The following ITFG1 variants were observed in gnomAD, a reference collection of about 807,000 sequenced individuals.
ITFG1 encodes T-cell immunomodulatory protein.
Under a neutral mutation model 81.8 loss-of-function variants are expected in ITFG1, and 34 were observed. The ratio of observed to expected loss-of-function variants is 0.42; its 90% CI spans 0.32 to 0.55. The LOEUF is 0.55. ITFG1 is among the 20% of genes least tolerant of loss of function. The pLI is 0.17. For missense variants in ITFG1, 672 were observed against 755.4 expected, an observed-to-expected ratio of 0.89 and a Z score of 1.29; for synonymous variants, 285 against 270.6, an observed-to-expected ratio of 1.05 and a Z score of -0.52.
intron 10 of ITFG1, among the ~76,000 whole-genome samples, 193 bp downstream of exon 10, chr16:47,311,047 T>TG (rs1242433264): frequency 3.4e-5 from 5 of 148,894 alleles, no homozygotes; most frequent in South Asian, 4.2e-4. Flanking sequence ...AATGAATCTG[T>TG]GAAAAAAAAA....
chr16:47,335,139 CTGA>C (rs1967685975), intron 8 of ITFG1, among the ~76,000 whole-genome samples: 1 of 152,090 alleles, frequency 6.6e-6, no homozygotes, highest in African/African-American at 2.4e-5. Context: ...GGTGGATCAC[CTGA>C]GGTCAGGAGT....
chr16:47,323,065 T>C (rs1299344102), intron 8 of ITFG1, among the ~76,000 whole-genome samples: 1 of 152,142 alleles, frequency 6.6e-6, no homozygotes, highest in East Asian at 1.9e-4. Context: ...TTTTCTGTTT[T>C]GCTGAGTATA....
chr16:47,446,338 G>T (rs1021579903), intron 5 of ITFG1, among the ~76,000 whole-genome samples: 2 of 152,196 alleles, frequency 1.3e-5, no homozygotes, highest in African/African-American at 4.8e-5. Flanking sequence ...CAAAGGTGCA[G>T]TTCTGGATAA....
At chr16:47,166,776 T>TCAA in intron 14 of ITFG1, among the ~76,000 whole-genome samples, 2 of 2,140 alleles carry the variant, frequency 9.3e-4, no homozygotes, top group South Asian at 0.015. Context: ...TGCACCCAAA[T>TCAA]TAGTTTGCAC....
chr16:47,324,404 A>G (rs562533521), intron 8 of ITFG1, among the ~76,000 whole-genome samples: 45 of 152,220 alleles, frequency 3.0e-4, no homozygotes, highest in Admixed American at 7.2e-4. Context: ...AAAGACCATC[A>G]AGGCTAGGAA....
intron 14 of ITFG1, among the ~76,000 whole-genome samples, chr16:47,182,716 T>C (rs146056752): frequency 8.5e-4 from 130 of 152,360 alleles, no homozygotes; most frequent in African/African-American, 3.0e-3. Flanking sequence ...AGATAATTAA[T>C]AGTACTTAAC....
intron 6 of ITFG1, among the ~76,000 whole-genome samples, chr16:47,387,251 A>G (rs933920683): frequency 2.0e-5 from 3 of 152,210 alleles, no homozygotes; most frequent in African/African-American, 7.2e-5. Flanking sequence ...CAAAGGCTTC[A>G]CACTACAGGG....
At chr16:47,458,039 T>A (rs563367652) in intron 2 of ITFG1, among the ~76,000 whole-genome samples, 2 of 152,376 alleles carry the variant, frequency 1.3e-5, no homozygotes, top group Admixed American at 1.3e-4. Flanking sequence ...AGGGACTTTT[T>A]AAATACAGCT....
chr16:47,230,259 T>TAGGAGGAGAGCTGGGA (rs1439373998), intron 13 of ITFG1, among the ~76,000 whole-genome samples: 1 of 150,954 alleles, frequency 6.6e-6, no homozygotes, highest in Non-Finnish European at 1.5e-5. Flanking sequence ...GACAGAGAGG[T>TAGGAGGAGAGCTGGGA]AGGAGGAGAG....
intron 14 of ITFG1, among the ~76,000 whole-genome samples, chr16:47,169,857 C>T (rs1964936493): frequency 6.6e-6 from 1 of 152,084 alleles, no homozygotes; most frequent in South Asian, 2.1e-4. Context: ...AGGAAGTTCC[C>T]TTCTATTCCT....
chr16:47,335,619 T>C (rs1054674524), intron 8 of ITFG1, among the ~76,000 whole-genome samples: 4 of 151,928 alleles, frequency 2.6e-5, no homozygotes, highest in African/African-American at 4.8e-5. Context: ...AATAAACTTA[T>C]AAAAAAGATG....
At chr16:47,263,258 G>A in intron 10 of ITFG1, 1 of 369,738 alleles carries the variant, frequency 2.7e-6, no homozygotes, top group Non-Finnish European at 5.5e-6. Context: ...CACCTTCTCT[G>A]TAGGTTCTTG....
intron 13 of ITFG1, among the ~76,000 whole-genome samples, chr16:47,222,103 T>C (rs1596816848): frequency 6.6e-6 from 1 of 152,064 alleles, no homozygotes; most frequent in Admixed American, 6.6e-5. Flanking sequence ...CTGCTCTGAT[T>C]TTAGTTATTT....
At chr16:47,212,971 A>G (rs1965581392) in intron 14 of ITFG1, among the ~76,000 whole-genome samples, 1 of 152,036 alleles carries the variant, frequency 6.6e-6, no homozygotes. Context: ...TTCTATTCAT[A>G]GGTTGTTGAG....
At chr16:47,199,324 G>A (rs551012141) in intron 14 of ITFG1, among the ~76,000 whole-genome samples, 6 of 151,250 alleles carry the variant, frequency 4.0e-5, no homozygotes, top group African/African-American at 1.5e-4. Flanking sequence ...TGTAGGTTAA[G>A]CATGCAGTGT....
rs185073442 is a variant in ITFG1, at chr16:47,303,844, G to A, written c.1070+7396C>T. Among the ~76,000 whole-genome samples the A allele has an allele frequency of 4.6e-5, 7 of 152,140 alleles. No individual in the cohort carries two copies. The East Asian group carries it at 1.4e-3, about 29-fold the overall frequency. ...GGGGTCCCACTATGTTGCCCAGGCT[G>A]GTGTTGAACTTCTGGGCTCAAGTGA... On this transcript the variant is annotated intron_variant, in intron 10 of 17. Coordinates refer to ENST00000320640, the MANE Select transcript of ITFG1 (RefSeq NM_030790.5).
intron 12 of ITFG1, among the ~76,000 whole-genome samples, chr16:47,244,686 C>A (rs990391239): frequency 1.3e-5 from 2 of 150,074 alleles, no homozygotes; most frequent in African/African-American, 4.9e-5. Flanking sequence ...TGAATGAGTA[C>A]CCCCTCCCTC....
chr16:47,241,782 C>T (rs1250571242), intron 12 of ITFG1, among the ~76,000 whole-genome samples: 3 of 151,924 alleles, frequency 2.0e-5, no homozygotes, highest in Admixed American at 6.6e-5. Flanking sequence ...AGTGAAACCC[C>T]GTCTCTACTA....
intron 14 of ITFG1, chr16:47,202,026 A>T (rs1965430352): frequency 1.3e-5 from 2 of 152,210 alleles, no homozygotes. Flanking sequence ...AGGAGACATA[A>T]CAGTGTTACT....
Sources: gnomAD v4.1 joint callset for allele counts (sites outside exome capture counted in the v4.1 genomes callset) on GRCh38, gnomAD v4.1.1 for gene constraint, MANE v1.5 for transcripts, NCBI Gene and HGNC (gene_info 2026-07-23, HGNC 2026-07-21) for gene names.